The following CWC22 variants were observed in gnomAD, a reference collection of about 807,000 sequenced individuals.
CWC22 encodes the protein CWC22 spliceosome associated protein.
Under a neutral mutation model 117.2 loss-of-function variants are expected in CWC22, and 53 were observed. The observed-to-expected ratio is 0.45, with a 90% CI of 0.36 to 0.57. The LOEUF (loss-of-function observed/expected upper bound fraction) is 0.57, where lower values mean the gene tolerates loss of function less well. CWC22 is among the 20% of genes least tolerant of loss of function. The pLI is 0.00. For missense variants in CWC22, 980 were observed against 1,068.8 expected (o/e 0.92, Z 1.16); for synonymous variants, 360 against 355.6 (o/e 1.01, Z -0.14).
At chr2:179,978,390 T>C (rs1687203739) in intron 5 of CWC22, 72 bp from the exon 6 acceptor site, 2 of 1,340,814 alleles carry the variant, frequency 1.5e-6, no homozygotes, top group African/African-American at 3.0e-5. Flanking sequence ...ACATAAAAAC[T>C]ACATAGTGCT....
intron 13 of CWC22, among the ~76,000 whole-genome samples, chr2:179,963,589 G>A (rs1166460151): frequency 6.6e-6 from 1 of 151,556 alleles, no homozygotes; most frequent in African/African-American, 2.4e-5. Flanking sequence ...TGATCCGCCC[G>A]CCTCGGCCTC....
intron 11 of CWC22, among the ~76,000 whole-genome samples, chr2:179,969,447 T>G (rs1041484344): frequency 1.3e-5 from 2 of 152,218 alleles, no homozygotes; most frequent in Non-Finnish European, 2.9e-5. Context: ...TACTTTTCAT[T>G]TCAACCTTCT....
intron 19 of CWC22, among the ~76,000 whole-genome samples, chr2:179,947,318 A>G (rs1216874308): frequency 2.0e-5 from 3 of 152,144 alleles, no homozygotes; most frequent in African/African-American, 7.2e-5. Context: ...AGCAGAAACC[A>G]TCTGGCTCTG....
In CWC22 at chr2:179,945,228, C is replaced by T. The variant is rs773485973; in HGVS notation, c.2628G>A (p.Glu876=). 1 of 1,613,824 alleles carries T rather than the reference C, an allele frequency of 6.2e-7. No homozygotes were observed. Among genetic ancestry groups the T allele is most frequent in the South Asian group, 1.1e-5 (1 of 91,080 alleles). The part of the protein sequence containing the change: ...SDEDRYQNGA[E]RRWEKSSRYS... ...ATCTGCTAGATTTTTCCCATCGTCTCTCGGCACCATTTTGATATCTATCTT... is the reference window on the plus strand; with the variant it reads ...ATCTGCTAGATTTTTCCCATCGTCTTTCGGCACCATTTTGATATCTATCTT... The change falls in exon 20 of 20, where the codon GAG becomes GAA. Residue 876 remains glutamate, a synonymous_variant. Coordinates refer to ENST00000410053, the MANE Select transcript of CWC22 (RefSeq NM_020943.3).
At chr2:179,967,059 C>G (rs962466223) in intron 11 of CWC22, among the ~76,000 whole-genome samples, 2 of 152,134 alleles carry the variant, frequency 1.3e-5, no homozygotes, top group South Asian at 4.1e-4. Context: ...TACTATGCAA[C>G]ATGGCTTAGA....
chr2:180,002,630 T>C (rs1011577116), intron 1 of CWC22, among the ~76,000 whole-genome samples: 1 of 152,180 alleles, frequency 6.6e-6, no homozygotes, highest in African/African-American at 2.4e-5. Flanking sequence ...ACTCTGTCCT[T>C]GGGTAAAGAA....
chr2:179,965,761 C>A, intron 12 of CWC22, 117 bp downstream of exon 12: 2 of 843,784 alleles, frequency 2.4e-6, no homozygotes, highest in Admixed American at 5.5e-5. Context: ...ACCTCCTAGA[C>A]GCCATCAGCA....
At chr2:179,999,253 A>C (rs899693258) in intron 1 of CWC22, among the ~76,000 whole-genome samples, 1 of 152,266 alleles carries the variant, frequency 6.6e-6, no homozygotes, top group East Asian at 1.9e-4. Context: ...CTGAAATGAG[A>C]GCAATTTATC....
intron 14 of CWC22, among the ~76,000 whole-genome samples, chr2:179,958,729 A>C (rs1686670546): frequency 6.6e-6 from 1 of 152,174 alleles, no homozygotes; most frequent in African/African-American, 2.4e-5. Flanking sequence ...ACTATATTCA[A>C]GTCAAAATTT....
intron 4 of CWC22, among the ~76,000 whole-genome samples, chr2:179,983,577 C>T (rs1481098674): frequency 2.0e-5 from 3 of 152,054 alleles, no homozygotes; most frequent in African/African-American, 7.2e-5. Flanking sequence ...TAAATATACA[C>T]ATGCATGTGT....
rs1575644056 is a variant in CWC22 at position 179,964,480 on chromosome 2, T to C, written c.1397+67A>G. The stretch of plus-strand genomic sequence containing the variant: ...TTCTGTTATGAGACCCTAAAATGTA[T>C]CCCTGATCTCTTTACCCATCCCTTA... On this transcript the variant is annotated intron_variant, in intron 13 of 19. Transcript: ENST00000410053. 4.0e-5 allele frequency: 32 copies of C among 797,778 alleles called. No homozygotes were observed. In the East Asian group the frequency reaches 8.7e-4, roughly 22 times the overall value. 49.4% of individuals were successfully genotyped at this position (797,778 alleles called of 1,614,324 possible).
chr2:179,972,834 C>T (rs573568435), intron 8 of CWC22, among the ~76,000 whole-genome samples: 45 of 151,674 alleles, frequency 3.0e-4, no homozygotes, highest in African/African-American at 1.0e-3. Flanking sequence ...GGTGAAACCC[C>T]GTCTCTACTA....
At chr2:180,006,688 G>A (rs996754014) in intron 1 of CWC22, among the ~76,000 whole-genome samples, 179 bp downstream of exon 1, 3 of 152,200 alleles carry the variant, frequency 2.0e-5, no homozygotes, top group Non-Finnish European at 4.4e-5. Flanking sequence ...CCGGGCACTA[G>A]GAAAGGGGCT....
At chr2:180,005,630 T>C (rs1687952073) in intron 1 of CWC22, among the ~76,000 whole-genome samples, 1 of 152,088 alleles carries the variant, frequency 6.6e-6, no homozygotes, top group Non-Finnish European at 1.5e-5. Context: ...CACTTACAGG[T>C]GGAAAGGCAA....
intron 6 of CWC22, 147 bp from the exon 7 acceptor site, chr2:179,973,949 T>C (rs1439566256): frequency 1.1e-5 from 5 of 447,214 alleles, no homozygotes; most frequent in Non-Finnish European, 2.0e-5. Flanking sequence ...GTCTTACTAA[T>C]AAATAAAAAT....
At chr2:179,954,095 T>G in intron 16 of CWC22, 110 bp downstream of exon 16, 1 of 719,732 alleles carries the variant, frequency 1.4e-6, no homozygotes, top group Non-Finnish European at 2.2e-6. Flanking sequence ...TTCTACACAT[T>G]TCATTTTAAA....
intron 11 of CWC22, among the ~76,000 whole-genome samples, chr2:179,967,838 TG>T (rs1686930652): frequency 6.6e-6 from 1 of 152,262 alleles, no homozygotes; most frequent in Non-Finnish European, 1.5e-5. Flanking sequence ...CATTTTTACT[TG>T]AAAAAAATGG....
Position 179,945,324 on chromosome 2 carries a change from T to C in CWC22, c.2532A>G (p.Glu844=), listed in dbSNP as rs748390869. Residue 844 remains glutamate (E), a synonymous_variant, in exon 20 of 20, where the codon GAA becomes GAG. Coordinates refer to ENST00000410053, the MANE Select transcript of CWC22 (RefSeq NM_020943.3). ...EKHTHRIKDS[E]NFRRKDRSKS... The stretch of plus-strand genomic sequence containing the variant: ...TTGATCTATCTTTTCTTCTGAAATT[T>C]TCACTGTCTTTAATTCGGTGTGTAT... 6.2e-7 allele frequency: 1 copy of C among 1,613,520 alleles called. No homozygotes were observed. Among genetic ancestry groups the C allele is most frequent in the South Asian group, 1.1e-5 (1 of 90,940 alleles).
At chr2:179,998,087 T>C (rs1161065751) in intron 1 of CWC22, among the ~76,000 whole-genome samples, 1 of 152,170 alleles carries the variant, frequency 6.6e-6, no homozygotes, top group Non-Finnish European at 1.5e-5. Flanking sequence ...ATGAAAGTAT[T>C]CCCAAGGTAA....
Sources: allele counts gnomAD v4.1 joint callset (sites outside exome capture counted in the v4.1 genomes callset), GRCh38; gene constraint gnomAD v4.1.1; transcripts MANE v1.5; gene names NCBI Gene and HGNC (gene_info 2026-07-23, HGNC 2026-07-21).